The following GRIK2 variants were observed in gnomAD, a reference collection of about 807,000 sequenced individuals.
The protein encoded by GRIK2 is glutamate ionotropic receptor kainate type subunit 2.
In GRIK2, 32 loss-of-function variants were observed where a neutral mutation model predicts 100.3. The observed-to-expected ratio is 0.32, with a 90% CI of 0.24 to 0.43. The LOEUF (loss-of-function observed/expected upper bound fraction) is 0.43, where lower values mean the gene tolerates loss of function less well. GRIK2 is among the 20% of genes least tolerant of loss of function. The pLI is 1.00. For missense variants in GRIK2, 843 were observed against 1,114.9 expected (o/e 0.76, Z 3.47); for synonymous variants, 417 against 389.4 (o/e 1.07, Z -0.83).
intron 14 of GRIK2, among the ~76,000 whole-genome samples, chr6:101,968,333 G>A (rs1277143063): frequency 6.6e-6 from 1 of 151,932 alleles, no homozygotes; most frequent in Non-Finnish European, 1.5e-5. Context: ...AAGATGTTTA[G>A]GAGTTATATT....
intron 4 of GRIK2, among the ~76,000 whole-genome samples, chr6:101,640,188 A>G (rs996131510): frequency 7.9e-5 from 12 of 152,188 alleles, no homozygotes; most frequent in African/African-American, 2.9e-4. Context: ...TTCCTAGGCA[A>G]ATCTCTATGA....
chr6:101,592,058 C>T (rs1778670028), intron 2 of GRIK2, among the ~76,000 whole-genome samples: 1 of 151,928 alleles, frequency 6.6e-6, no homozygotes, highest in Admixed American at 6.6e-5. Context: ...GGTCTCCCCT[C>T]AATCTCTTTC....
chr6:101,859,212 TA>T, intron 10 of GRIK2, 74 bp from the exon 11 acceptor site: 1 of 744,602 alleles, frequency 1.3e-6, no homozygotes, highest in Non-Finnish European at 2.3e-6. Context: ...TTCTGTCTTC[TA>T]AGAAAAGCAA....
intron 7 of GRIK2, among the ~76,000 whole-genome samples, chr6:101,755,161 G>GTTTTTTTTTT (rs1157640683): frequency 2.0e-4 from 21 of 102,964 alleles, no homozygotes; most frequent in Non-Finnish European, 2.6e-4. Context: ...TTTCTTTTTG[G>GTTTTTTTTTT]TTTTTTTTTT....
At chr6:101,544,283 G>T (rs916410871) in intron 2 of GRIK2, among the ~76,000 whole-genome samples, 4 of 152,098 alleles carry the variant, frequency 2.6e-5, no homozygotes, top group Non-Finnish European at 4.4e-5. Flanking sequence ...AATTAATAGA[G>T]CTTGAACTGA....
chr6:101,482,791 A>T (rs987073910), intron 2 of GRIK2, among the ~76,000 whole-genome samples: 2 of 152,066 alleles, frequency 1.3e-5, no homozygotes, highest in African/African-American at 4.8e-5. Context: ...ATGACTTAGG[A>T]TGTAGTGGAA....
At chr6:101,627,117 C>CTGTG (rs111285339) in intron 4 of GRIK2, among the ~76,000 whole-genome samples, 24,096 of 144,878 alleles carry the variant, frequency 0.17, 2,177 homozygotes, top group East Asian at 0.27. Context: ...GTGTGTGTCT[C>CTGTG]TGTGTGTGTG....
At chr6:102,017,357 A>C (rs1353121986) in intron 14 of GRIK2, among the ~76,000 whole-genome samples, 1 of 152,164 alleles carries the variant, frequency 6.6e-6, no homozygotes, top group African/African-American at 2.4e-5. Flanking sequence ...GCATGGTGGA[A>C]ACTGTCCTTA....
At chr6:101,526,944 G>T (rs1268596252) in intron 2 of GRIK2, among the ~76,000 whole-genome samples, 1 of 152,158 alleles carries the variant, frequency 6.6e-6, no homozygotes, top group Non-Finnish European at 1.5e-5. Flanking sequence ...CTCCTAGCAG[G>T]TTCCAACGGG....
rs553480420 is a variant in GRIK2, at chr6:101,702,155, C to T, written c.951+15802C>T. Among the ~76,000 whole-genome samples, 7 of 152,054 alleles carry T rather than the reference C, an allele frequency of 4.6e-5. No homozygotes were observed. The East Asian group carries it at 1.4e-3, about 30-fold the overall frequency. ...CAGTTAAATAAAAGTGCAAGCATAA[C>T]ATTGTTTCTATGAAAACTCAAATGA... On this transcript the variant is annotated intron_variant, in intron 7 of 16. Coordinates refer to ENST00000369134, the MANE Select transcript of GRIK2 (RefSeq NM_021956.5).
intron 7 of GRIK2, among the ~76,000 whole-genome samples, chr6:101,736,787 A>C (rs1775665172): frequency 1.3e-5 from 2 of 152,272 alleles, no homozygotes; most frequent in Admixed American, 6.5e-5. Context: ...TTACTTATTC[A>C]AATTTCTGTA....
intron 6 of GRIK2, among the ~76,000 whole-genome samples, chr6:101,684,029 G>A (rs570737041): frequency 6.6e-6 from 1 of 152,278 alleles, no homozygotes; most frequent in South Asian, 2.1e-4. Flanking sequence ...TTAATTGATT[G>A]CAATAGCTTC....
intron 11 of GRIK2, among the ~76,000 whole-genome samples, chr6:101,885,417 A>C (rs1429437229): frequency 6.6e-6 from 1 of 152,122 alleles, no homozygotes; most frequent in Non-Finnish European, 1.5e-5. Flanking sequence ...GGAAATGAGC[A>C]TTGTTAAGTC....
At chr6:101,635,971 T>C (rs1045979527) in intron 4 of GRIK2, among the ~76,000 whole-genome samples, 23 of 152,196 alleles carry the variant, frequency 1.5e-4, no homozygotes, top group African/African-American at 5.3e-4. Context: ...GAACCAGAAA[T>C]ACCATTTGAC....
At chr6:101,519,843 T>G (rs957712463) in intron 2 of GRIK2, among the ~76,000 whole-genome samples, 2 of 152,170 alleles carry the variant, frequency 1.3e-5, no homozygotes, top group African/African-American at 4.8e-5. Context: ...TTGACTCTGT[T>G]AAATAATTTT....
At chr6:101,550,765 T>C (rs1423358622) in intron 2 of GRIK2, among the ~76,000 whole-genome samples, 1 of 152,184 alleles carries the variant, frequency 6.6e-6, no homozygotes, top group Admixed American at 6.5e-5. Context: ...GCGCGATGTG[T>C]TAATGTGCTG....
intron 2 of GRIK2, among the ~76,000 whole-genome samples, chr6:101,420,045 T>A (rs1554196968): frequency 1.3e-5 from 2 of 152,200 alleles, no homozygotes; most frequent in Non-Finnish European, 2.9e-5. Flanking sequence ...AACAGTGAAA[T>A]TAATAATGAT....
chr6:101,466,520 A>C (rs1257330857), intron 2 of GRIK2, among the ~76,000 whole-genome samples: 1 of 151,970 alleles, frequency 6.6e-6, no homozygotes. Context: ...TTTTTGCATT[A>C]GTGAAAACAT....
At chr6:101,655,382 C>G (rs911570207) in intron 4 of GRIK2, among the ~76,000 whole-genome samples, 2 of 152,122 alleles carry the variant, frequency 1.3e-5, no homozygotes. Flanking sequence ...CAAAAAGAAA[C>G]AGGACAGCCC....
Sources: gnomAD v4.1 joint callset for allele counts (sites outside exome capture counted in the v4.1 genomes callset) on GRCh38, gnomAD v4.1.1 for gene constraint, MANE v1.5 for transcripts, NCBI Gene and HGNC (gene_info 2026-07-23, HGNC 2026-07-21) for gene names.